BSN: variants seen among roughly 807,000 people sequenced by gnomAD.
BSN encodes the protein protein bassoon.
BSN carries 57 observed loss-of-function variants against 264.8 expected under a neutral mutation model. The observed-to-expected ratio is 0.22, with a 90% CI of 0.17 to 0.27. The LOEUF (loss-of-function observed/expected upper bound fraction) is 0.27. Ranked by LOEUF, BSN falls within the 10% of genes least tolerant of loss-of-function variation. The pLI, the probability that BSN is intolerant of heterozygous loss-of-function variation, is 1.00. For synonymous variants in BSN, 2,059 were observed against 2,137.3 expected (o/e 0.96, Z 1.01); for missense variants, 4,615 against 5,232.5 (o/e 0.88, Z 3.64).
rs1203860007 is a variant in BSN at position 49,655,298 on chromosome 3, T to C, written c.5742T>C (p.Thr1914=). The part of the protein sequence containing the change: ...VYKLPFGSSC[T]GTFHPAPSVP... ...AGCTCCCCTTTGGCAGCAGCTGCAC[T>C]GGCACCTTCCACCCGGCCCCCAGTG... is the stretch of plus-strand genomic sequence containing the variant. The change falls in exon 5 of 12, where the codon ACT becomes ACC. Residue 1914 remains threonine, a synonymous_variant. Transcript: ENST00000296452. 1 of 1,612,372 alleles carries C rather than the reference T, an allele frequency of 6.2e-7. No individual in the cohort carries two copies. Among genetic ancestry groups the C allele is most frequent in the Non-Finnish European group, 8.5e-7 (1 of 1,179,684 alleles).
chr3:49,651,719 C>G lies in BSN; in HGVS notation c.2163C>G (p.Pro721=), dbSNP rs373271259. ...AGVTGPHPPS[P]SEIHKVGSSM... is the part of the protein sequence containing the mutation. ...TGACAGGGCCACATCCACCCAGCCC[C>G]TCCGAGATCCACAAGGTGGGGAGCA... Residue 721 remains proline, a synonymous_variant, in exon 5 of 12, where the codon CCC becomes CCG. Coordinates refer to ENST00000296452, the MANE Select transcript of BSN (RefSeq NM_003458.4). This position sits in a 1 kb window ranked among gnomAD's most constrained non-coding sequence, Gnocchi z 5.4. The G allele has an allele frequency of 6.8e-6, 11 of 1,613,796 alleles. No individual in the cohort carries two copies. The highest frequency in any genetic ancestry group is 8.5e-6 in the Non-Finnish European group (10 of 1,179,988).
At chr3:49,627,570 C>T (rs2052350691) in intron 2 of BSN, among the ~76,000 whole-genome samples, 1 of 152,208 alleles carries the variant, frequency 6.6e-6, no homozygotes, top group Non-Finnish European at 1.5e-5. Flanking sequence ...TTTGCTCACA[C>T]ACCTGCTGTT....
chr3:49,600,818 G>A (rs1459340751), intron 1 of BSN, among the ~76,000 whole-genome samples: 1 of 151,972 alleles, frequency 6.6e-6, no homozygotes, highest in Non-Finnish European at 1.5e-5. Context: ...AAATAAATAA[G>A]TAAATAAAGG....
intron 1 of BSN, among the ~76,000 whole-genome samples, chr3:49,613,275 TTA>T (rs140461944): frequency 5.7e-5 from 7 of 123,400 alleles, no homozygotes; most frequent in Non-Finnish European, 5.0e-5. Flanking sequence ...GGGGAAAAGT[TTA>T]TATATATATA....
chr3:49,611,145 G>T (rs986948201), intron 1 of BSN, among the ~76,000 whole-genome samples: 1 of 152,192 alleles, frequency 6.6e-6, no homozygotes, highest in Non-Finnish European at 1.5e-5. Flanking sequence ...GAAGTGGCTT[G>T]CTTCCTCCCT....
At chr3:49,618,591 C>G (rs1419496583) in intron 1 of BSN, among the ~76,000 whole-genome samples, 1 of 151,958 alleles carries the variant, frequency 6.6e-6, no homozygotes, top group Non-Finnish European at 1.5e-5. Context: ...GGGAGCTGTT[C>G]TAGGTGCTGG....
At position 49,661,407 on chromosome 3, in the gene BSN, G is replaced by A. The variant is rs368455009; in HGVS notation, c.9562G>A (p.Gly3188Ser). 21 of 1,613,734 alleles carry A rather than the reference G, an allele frequency of 1.3e-5. No homozygotes were observed. The highest frequency in any genetic ancestry group is 2.2e-5 in the East Asian group (1 of 44,878). Residue 3188 changes from glycine (G) to serine (S), a missense_variant, in exon 6 of 12, where the codon GGC becomes AGC. By Grantham distance (56) the Gly-to-Ser change is moderately conservative. Around this residue, in one of 3 missense-constraint regions of BSN, gnomAD observed 3,415 missense variants for 3,866.4 expected, o/e 0.88. Transcript: ENST00000296452. Reference protein sequence around the residue: ...TSYSGPAVSSGYEQGKVPEVP... With the variant: ...TSYSGPAVSSSYEQGKVPEVP... ...CTACAGTGGCCCAGCAGTGAGCAGC[G>A]GCTATGAGCAGGGCAAGGTCCCTGA...
At position 49,668,232 on chromosome 3, in the gene BSN, GCACACTGC is replaced by G. The variant is rs1457116345; in HGVS notation, c.*751_*758del. The G allele has an allele frequency of 2.6e-5, 4 of 152,042 alleles. No individual in the cohort carries two copies. The highest frequency in any genetic ancestry group is 4.4e-5 in the Non-Finnish European group (3 of 67,874). 9.4% of individuals were successfully genotyped at this position (152,042 alleles called of 1,614,324 possible). Reference sequence around the variant, plus strand: ...CCAGCCCGTGGGTGGCAGCGTGCTAGCACACTGCCACCATCTCAAAGCCATCCCCCTAG... The same window carrying G: ...CCAGCCCGTGGGTGGCAGCGTGCTAGCACCATCTCAAAGCCATCCCCCTAG... On this transcript the variant is annotated 3_prime_UTR_variant, in exon 12 of 12. Coordinates refer to ENST00000296452, the MANE Select transcript of BSN (RefSeq NM_003458.4).
At chr3:49,570,572 G>A (rs1434731258) in intron 1 of BSN, among the ~76,000 whole-genome samples, 1 of 152,192 alleles carries the variant, frequency 6.6e-6, no homozygotes, top group Admixed American at 6.5e-5. Context: ...GGGGTGAGGA[G>A]CCCTGGGAAG....
intron 2 of BSN, among the ~76,000 whole-genome samples, chr3:49,635,982 A>G (rs1316626129): frequency 1.3e-5 from 2 of 152,166 alleles, no homozygotes; most frequent in East Asian, 3.8e-4. Flanking sequence ...AAAAAAAAAA[A>G]AAAAGTACAT....
At chr3:49,633,160 G>A (rs2052394015) in intron 2 of BSN, among the ~76,000 whole-genome samples, 1 of 151,860 alleles carries the variant, frequency 6.6e-6, no homozygotes, top group Non-Finnish European at 1.5e-5. Context: ...AAGTTAGCTG[G>A]GTGTGGTGGT....
intron 1 of BSN, among the ~76,000 whole-genome samples, chr3:49,598,297 G>C (rs2052041352): frequency 6.6e-6 from 1 of 152,180 alleles, no homozygotes; most frequent in African/African-American, 2.4e-5. Context: ...TATTGTTGCT[G>C]TTGTTTGCTT....
At chr3:49,601,056 C>CA (rs1012465878) in intron 1 of BSN, among the ~76,000 whole-genome samples, 7 of 152,252 alleles carry the variant, frequency 4.6e-5, no homozygotes, top group Middle Eastern at 3.4e-3. Context: ...AAGGCTTAGT[C>CA]AAGGCAGGGC....
At position 49,561,213 on chromosome 3, in the gene BSN, C is replaced by T. The variant is rs889909912; in HGVS notation, c.224+6387C>T. 6.6e-5 allele frequency among the ~76,000 whole-genome samples: 10 copies of T among 152,328 alleles called. No individual in the cohort carries two copies. In the South Asian group the frequency reaches 8.3e-4, roughly 13 times the overall value. ...CCCCTAAAGTGGGTGAGGCTGCTGT[C>T]AGGGCCAACGGTGAAGAAGAGATTT... On this transcript the variant is annotated intron_variant, in intron 1 of 11. Transcript: ENST00000296452.
intron 1 of BSN, among the ~76,000 whole-genome samples, chr3:49,605,933 ATT>A: frequency 1.3e-4 from 1 of 7,946 alleles, no homozygotes; most frequent in Non-Finnish European, 3.3e-4. Flanking sequence ...TATAAAATCT[ATT>A]TATATATAAA....
chr3:49,637,176 G>T (rs2052425998), intron 2 of BSN, among the ~76,000 whole-genome samples: 1 of 152,232 alleles, frequency 6.6e-6, no homozygotes, highest in Non-Finnish European at 1.5e-5. Context: ...TGCTCTCCCT[G>T]GTAGGGCTGG....
At chr3:49,637,772 C>T (rs565087454) in intron 2 of BSN, among the ~76,000 whole-genome samples, 3 of 152,320 alleles carry the variant, frequency 2.0e-5, no homozygotes, top group South Asian at 2.1e-4. Flanking sequence ...AGGCTTCCTG[C>T]AGCTTCTGCT....
At chr3:49,602,445 A>AT (rs752244991) in intron 1 of BSN, among the ~76,000 whole-genome samples, 2,006 of 139,026 alleles carry the variant, frequency 0.014, 14 homozygotes, top group East Asian at 0.027. Flanking sequence ...CTCTCTTTAA[A>AT]TTTTTTTTTT....
At chr3:49,594,309 A>G (rs1363094253) in intron 1 of BSN, among the ~76,000 whole-genome samples, 4 of 152,164 alleles carry the variant, frequency 2.6e-5, no homozygotes, top group Admixed American at 6.5e-5. Flanking sequence ...TTTTCCTAAC[A>G]TTTAAGTCTA....
Sources: allele counts gnomAD v4.1 joint callset (sites outside exome capture counted in the v4.1 genomes callset), GRCh38; gene constraint gnomAD v4.1.1; regional missense constraint gnomAD v4.1.1; non-coding constraint Gnocchi (gnomAD v3.1); transcripts MANE v1.5; gene names NCBI Gene and HGNC (gene_info 2026-07-23, HGNC 2026-07-21).